The following AMH variants were observed in gnomAD, a reference collection of about 807,000 sequenced individuals.
AMH encodes anti-Muellerian hormone.
A neutral mutation model predicts 33.3 loss-of-function variants in AMH; 39 were observed. The observed-to-expected ratio is 1.17, with a 90% confidence interval of 0.91 to 1.53. The LOEUF (loss-of-function observed/expected upper bound fraction) is 1.53. Ranked by LOEUF, AMH falls within the 40% of genes most tolerant of loss-of-function variation. AMH has a pLI of 0.00. For synonymous variants in AMH, 536 were observed against 403.0 expected, an observed-to-expected ratio of 1.33 and a Z score of -3.95; for missense variants, 1,019 against 799.8, an observed-to-expected ratio of 1.27 and a Z score of -3.30.
chr19:2,251,367 G>C lies in AMH; in HGVS notation c.1093G>C (p.Asp365His), dbSNP rs1270417861. The change falls in exon 5 of 5, where the codon GAC becomes CAC. Residue 365 changes from aspartate to histidine, a missense_variant. Asp to His is a moderately conservative substitution (Grantham distance 81, BLOSUM62 -1). Transcript: ENST00000221496. The stretch of plus-strand genomic sequence containing the variant: ...CACCGGGGATCCTGCGCCCCTGCAC[G>C]ACCCCACGTCGGCGCCGTGGGCCAC... ...ATTGDPAPLHDPTSAPWATAL... is the reference protein window; with the variant it reads ...ATTGDPAPLHHPTSAPWATAL... 6.8e-7 allele frequency: 1 copy of C among 1,478,262 alleles called. No individual in the cohort carries two copies. The highest frequency in any genetic ancestry group is 1.3e-5 in the South Asian group (1 of 78,376). The allele number at this position is 1,478,262 out of a possible 1,614,324, so 91.6% of individuals were successfully genotyped here.
In AMH at chr19:2,250,687, G is replaced by A. The variant is rs945777751; in HGVS notation, c.591G>A (p.Val197=). Residue 197 remains valine, a synonymous_variant, in exon 3 of 5, where the codon GTG becomes GTA. Coordinates refer to ENST00000221496, the MANE Select transcript of AMH (RefSeq NM_000479.5). ...CCTCCCGAGACACCCGCTACCTGGT[G>A]TTAGCGGTGGACCGCCCTGCGGGGG... is the stretch of plus-strand genomic sequence containing the variant. ...LCPSRDTRYL[V]LAVDRPAGAW... The A allele has an allele frequency of 1.3e-6, 2 of 1,539,662 alleles. No homozygotes were observed. The highest frequency in any genetic ancestry group is 1.7e-6 in the Non-Finnish European group (2 of 1,147,478).
At position 2,251,922 on chromosome 19, in the gene AMH, C is replaced by G; in HGVS notation, c.1648C>G (p.Pro550Ala). 1.9e-6 allele frequency: 3 copies of G among 1,556,916 alleles called. No homozygotes were observed. Among genetic ancestry groups the G allele is most frequent in the Non-Finnish European group, 2.6e-6 (3 of 1,159,774 alleles). The change falls in exon 5 of 5, where the codon CCC becomes GCC. Residue 550 changes from proline to alanine, a missense_variant. Coordinates refer to ENST00000221496, the MANE Select transcript of AMH (RefSeq NM_000479.5). ...SEERISAHHV[P>A]NMVATECGCR is the part of the protein sequence containing the mutation. The stretch of plus-strand genomic sequence containing the variant: ...GGAGCGCATCAGCGCGCACCACGTG[C>G]CCAACATGGTGGCCACCGAGTGTGG...
Position 2,251,404 on chromosome 19 carries a change from G to A in AMH, c.1130G>A (p.Arg377His), listed in dbSNP as rs915089448. 31 of 1,449,672 alleles carry A rather than the reference G, an allele frequency of 2.1e-5. No individual in the cohort carries two copies. The highest frequency in any genetic ancestry group is 8.0e-5 in the Admixed American group (3 of 37,624). The allele number at this position is 1,449,672 out of a possible 1,614,324, so 89.8% of individuals were successfully genotyped here. ...GCGCCGTGGGCCACGGCCCTGGCGC[G>A]CCGCGTGGCTGCTGAACTGCAAGCG... is the stretch of plus-strand genomic sequence containing the variant. Reference protein sequence around the residue: ...TSAPWATALARRVAAELQAAA... With the variant: ...TSAPWATALAHRVAAELQAAA... Residue 377 changes from arginine (R) to histidine (H), a missense_variant, in exon 5 of 5, where the codon CGC (arginine) becomes CAC (histidine). By Grantham distance (29) the Arg-to-His change is conservative. Coordinates refer to ENST00000221496, the MANE Select transcript of AMH (RefSeq NM_000479.5).
chr19:2,249,842 G>A (rs1460695429), intron 1 of AMH, 98 bp downstream of exon 1: 1 of 1,340,324 alleles, frequency 7.5e-7, no homozygotes, highest in East Asian at 2.5e-5. Context: ...CCCCCACCCT[G>A]GGCAGGGAGG....
chr19:2,250,639 C>A lies in AMH; in HGVS notation c.556-13C>A, dbSNP rs1017017326. On this transcript the variant is annotated splice_polypyrimidine_tract_variant and intron_variant, in intron 2 of 4. Transcript: ENST00000221496. Reference sequence around the variant, plus strand: ...AGCCTCCATCCAGCCGGGCTGAGCCCTGGTCTCCGCAGAGCCTCTGCCCCT... The same window carrying A: ...AGCCTCCATCCAGCCGGGCTGAGCCATGGTCTCCGCAGAGCCTCTGCCCCT... The A allele has an allele frequency of 3.3e-6, 5 of 1,538,458 alleles. No individual in the cohort carries two copies. In the East Asian group the frequency reaches 1.2e-4, roughly 38 times the overall value.
chr19:2,249,348 C>G lies in AMH; in HGVS notation c.16C>G (p.Leu6Val), dbSNP rs1184490585. 1.9e-6 allele frequency: 3 copies of G among 1,575,340 alleles called. No homozygotes were observed. Among genetic ancestry groups the G allele is most frequent in the Admixed American group, 1.8e-5 (1 of 55,296 alleles). The part of the protein sequence containing the change: MRDLP[L>V]TSLALVLSAL... ...AGCACCCACGATGCGGGACCTGCCT[C>G]TCACCAGCCTGGCCCTAGTGCTGTC... is the stretch of plus-strand genomic sequence containing the variant. The change falls in exon 1 of 5, where the codon CTC becomes GTC. Residue 6 changes from leucine (L) to valine (V), a missense_variant. Physicochemically the swap from Leu to Val is conservative, Grantham distance 32 (BLOSUM62 1). Transcript: ENST00000221496.
In AMH at chr19:2,250,642, G is replaced by A; in HGVS notation, c.556-10G>A. On this transcript the variant is annotated splice_polypyrimidine_tract_variant and intron_variant, in intron 2 of 4. Transcript: ENST00000221496. ...CTCCATCCAGCCGGGCTGAGCCCTG[G>A]TCTCCGCAGAGCCTCTGCCCCTCCC... 6.5e-7 allele frequency: 1 copy of A among 1,538,700 alleles called. No individual in the cohort carries two copies.
intron 3 of AMH, 24 bp from the exon 4 acceptor site, chr19:2,250,825 C>G: frequency 3.2e-6 from 5 of 1,548,054 alleles, no homozygotes; most frequent in Non-Finnish European, 4.3e-6. Context: ...GCCCCTGAGC[C>G]AGCCGCGTGC....
In AMH at chr19:2,251,308, C is replaced by CGCT. The variant is rs757014694; in HGVS notation, c.1048_1050dup (p.Leu350dup). 1.8e-5 allele frequency: 27 copies of CGCT among 1,502,434 alleles called. No homozygotes were observed. Among genetic ancestry groups the CGCT allele is most frequent in the Admixed American group, 1.0e-4 (5 of 47,656 alleles). 93.1% of individuals were successfully genotyped at this position (1,502,434 alleles called of 1,614,324 possible). On this transcript the variant is annotated inframe_insertion, in exon 5 of 5. Transcript: ENST00000221496. The stretch of plus-strand genomic sequence containing the variant: ...GAGCGCCTACTCGACGGCGAGGAGC[C>CGCT]GCTGCTGCTGCTGCTGAGGCCCACT...
rs2025046595 is a variant in AMH at position 2,251,645 on chromosome 19, C to A, written c.1371C>A (p.Ala457=). The A allele has an allele frequency of 6.3e-7, 1 of 1,594,168 alleles. No individual in the cohort carries two copies. The highest frequency in any genetic ancestry group is 1.7e-5 in the Admixed American group (1 of 58,804). Residue 457 remains alanine, a synonymous_variant, in exon 5 of 5, where the codon GCC becomes GCA. Coordinates refer to ENST00000221496, the MANE Select transcript of AMH (RefSeq NM_000479.5). ...GRAQRSAGAT[A]ADGPCALREL... ...CACAGCGCAGCGCGGGGGCCACCGCCGCCGACGGGCCGTGCGCGCTGCGCG... is the reference window on the plus strand; with the variant it reads ...CACAGCGCAGCGCGGGGGCCACCGCAGCCGACGGGCCGTGCGCGCTGCGCG...
At position 2,249,840 on chromosome 19, in the gene AMH, C is replaced by G. The variant is rs577980773; in HGVS notation, c.412+96C>G. 24 of 1,354,040 alleles carry G rather than the reference C, an allele frequency of 1.8e-5. No individual in the cohort carries two copies. In the African/African-American group the frequency reaches 3.2e-4, roughly 18 times the overall value. The allele number at this position is 1,354,040 out of a possible 1,614,324, so 83.9% of individuals were successfully genotyped here. A position where few individuals can be genotyped will look rare whatever the true frequency, so the allele number is the denominator to read the frequency against. The stretch of plus-strand genomic sequence containing the variant: ...ATCAGGGGCTGGCAGAGCCCCCACC[C>G]TGGGCAGGGAGGCTGTGGTCTTGTT... On this transcript the variant is annotated intron_variant, in intron 1 of 4. Coordinates refer to ENST00000221496, the MANE Select transcript of AMH (RefSeq NM_000479.5).
rs991688114 is a variant in AMH, at chr19:2,251,099, G to C, written c.825G>C (p.Arg275Ser). The C allele has an allele frequency of 3.9e-6, 6 of 1,542,074 alleles. No individual in the cohort carries two copies. In the African/African-American group the frequency reaches 8.3e-5, roughly 21 times the overall value. The change falls in exon 5 of 5, where the codon AGG (arginine) becomes AGC (serine). Residue 275 changes from arginine (R) to serine (S), a missense_variant and splice_region_variant. By Grantham distance (110) the Arg-to-Ser change is moderately radical (BLOSUM62 -1). Transcript: ENST00000221496. ...QLDTVPFPPP[R>S]PSAELEESPP... The stretch of plus-strand genomic sequence containing the variant: ...CAACTCCTCCAATTGCGGGTTCCAG[G>C]CCATCCGCGGAACTCGAGGAGTCGC...
rs1470455151 is a variant in AMH, at chr19:2,249,397, C to T, written c.65C>T (p.Thr22Ile). Residue 22 changes from threonine to isoleucine, a missense_variant, in exon 1 of 5, where the codon ACT becomes ATT. Transcript: ENST00000221496. Reference sequence around the variant, plus strand: ...TCTGCCCTGGGGGCTCTGCTGGGGACTGAGGCCCTCAGAGCAGAGGAGCCA... The same window carrying T: ...TCTGCCCTGGGGGCTCTGCTGGGGATTGAGGCCCTCAGAGCAGAGGAGCCA... ...VLSALGALLG[T>I]EALRAEEPAV... 8 of 1,592,826 alleles carry T rather than the reference C, an allele frequency of 5.0e-6. No individual in the cohort carries two copies. The highest frequency in any genetic ancestry group is 6.8e-6 in the Non-Finnish European group (8 of 1,170,628).
rs1375723113 is a variant in AMH at position 2,251,524 on chromosome 19, G to A, written c.1250G>A (p.Gly417Asp). ...GCGCTCTGCCCAGGTGGCCCCGGCG[G>A]CCTCGGCGATCCCCTGCGAGCGCTG... The part of the protein sequence containing the change: ...LLALCPGGPG[G>D]LGDPLRALLL... Residue 417 changes from glycine (G) to aspartate (D), a missense_variant, in exon 5 of 5, where the codon GGC (glycine) becomes GAC (aspartate). Coordinates refer to ENST00000221496, the MANE Select transcript of AMH (RefSeq NM_000479.5). 7.5e-6 allele frequency: 10 copies of A among 1,341,538 alleles called. No individual in the cohort carries two copies. The highest frequency in any genetic ancestry group is 9.5e-6 in the Non-Finnish European group (10 of 1,049,016). 83.1% of individuals were successfully genotyped at this position (1,341,538 alleles called of 1,614,324 possible). A position where few individuals can be genotyped will look rare whatever the true frequency, so the allele number is the denominator to read the frequency against.
Position 2,250,238 on chromosome 19 carries a change from T to C in AMH, c.413-99T>C. 3.9e-6 allele frequency: 6 copies of C among 1,519,738 alleles called. No homozygotes were observed. In the South Asian group the frequency reaches 4.8e-5, roughly 12 times the overall value. 94.1% of individuals were successfully genotyped at this position (1,519,738 alleles called of 1,614,324 possible). A position where few individuals can be genotyped will look rare whatever the true frequency, so the allele number is the denominator to read the frequency against. On this transcript the variant is annotated intron_variant, in intron 1 of 4. Coordinates refer to ENST00000221496, the MANE Select transcript of AMH (RefSeq NM_000479.5). Reference sequence around the variant, plus strand: ...GGGCACCCTTGTCCCCCGCTTGAGGTCCCCTGCACAGTGGCCAGAGCGGCA... The same window carrying C: ...GGGCACCCTTGTCCCCCGCTTGAGGCCCCCTGCACAGTGGCCAGAGCGGCA...
Position 2,250,385 on chromosome 19 carries a change from G to A in AMH, c.461G>A (p.Gly154Glu), listed in dbSNP as rs773178911. The A allele has an allele frequency of 1.3e-6, 2 of 1,590,222 alleles. No homozygotes were observed. The highest frequency in any genetic ancestry group is 2.3e-5 in the South Asian group (2 of 87,514). ...CTGAGGTTCCAGGAGCCCCCGCCTG[G>A]AGGAGCTGGCCCCCCAGAGCTGGCG... is the stretch of plus-strand genomic sequence containing the variant. ...PSLRFQEPPP[G>E]GAGPPELALL... The change falls in exon 2 of 5, where the codon GGA becomes GAA. Residue 154 changes from glycine to glutamate, a missense_variant. Physicochemically the swap from Gly to Glu is moderately conservative, Grantham distance 98. Coordinates refer to ENST00000221496, the MANE Select transcript of AMH (RefSeq NM_000479.5).
At position 2,251,145 on chromosome 19, in the gene AMH, C is replaced by CT. The variant is rs1198621272; in HGVS notation, c.872dup (p.Glu292GlyfsTer91). ...GTCGCCACCCAGCGCAGACCCCTTC[C>CT]TGGAGACGCTCACGCGCCTGGTGCG... is the stretch of plus-strand genomic sequence containing the variant. On this transcript the variant is annotated frameshift_variant, in exon 5 of 5. Transcript: ENST00000221496. LOFTEE classifies it low-confidence loss of function (END_TRUNC). The CT allele has an allele frequency of 1.3e-6, 2 of 1,530,444 alleles. No homozygotes were observed. The highest frequency in any genetic ancestry group is 1.7e-6 in the Non-Finnish European group (2 of 1,145,696). 94.8% of individuals were successfully genotyped at this position (1,530,444 alleles called of 1,614,324 possible). A position where few individuals can be genotyped will look rare whatever the true frequency, so the allele number is the denominator to read the frequency against.
rs1223291751 is a variant in AMH, at chr19:2,251,251, G to A, written c.977G>A (p.Gly326Asp). Residue 326 changes from glycine to aspartate, a missense_variant, in exon 5 of 5, where the codon GGC (glycine) becomes GAC (aspartate). Gly to Asp is a moderately conservative substitution (Grantham distance 94). Coordinates refer to ENST00000221496, the MANE Select transcript of AMH (RefSeq NM_000479.5). ...DPDALAGFPQ[G>D]LVNLSDPAAL... ...GACGCGCTGGCCGGCTTCCCGCAGG[G>A]CCTAGTCAACCTGTCGGACCCCGCG... is the stretch of plus-strand genomic sequence containing the variant. 8 of 1,504,554 alleles carry A rather than the reference G, an allele frequency of 5.3e-6. No homozygotes were observed. Among genetic ancestry groups the A allele is most frequent in the East Asian group, 2.7e-5 (1 of 37,298 alleles). The allele number at this position is 1,504,554 out of a possible 1,614,324, so 93.2% of individuals were successfully genotyped here.
Position 2,249,595 on chromosome 19 carries a change from AGAGGGCCCGCTGG to A in AMH, c.265_277del (p.Arg89AlafsTer46), listed in dbSNP as rs1568392417. The A allele has an allele frequency of 6.4e-7, 1 of 1,558,200 alleles. No homozygotes were observed. Among genetic ancestry groups the A allele is most frequent in the East Asian group, 2.4e-5 (1 of 42,324 alleles). On this transcript the variant is annotated frameshift_variant, in exon 1 of 5. Transcript: ENST00000221496. LOFTEE classifies it high-confidence loss of function. ...GAGCAGGCCTTCCTGGGGGCCGTGC[AGAGGGCCCGCTGG>A]GGCCCCCGAGACCTGGCCACCTTCG...
Sources: allele counts gnomAD v4.1 joint callset, GRCh38; gene constraint gnomAD v4.1.1; transcripts MANE v1.5; gene names NCBI Gene and HGNC (gene_info 2026-07-23, HGNC 2026-07-21).